The following PPIG variants were observed in gnomAD, a reference collection of about 807,000 sequenced individuals.
PPIG encodes the protein peptidyl-prolyl cis-trans isomerase G.
PPIG carries 26 observed loss-of-function variants against 87.9 expected under a neutral mutation model. The ratio of observed to expected loss-of-function variants is 0.30; its 90% CI spans 0.22 to 0.41. The LOEUF (loss-of-function observed/expected upper bound fraction) is 0.41. PPIG is among the 10% of genes least tolerant of loss of function. The pLI is 1.00. For synonymous variants in PPIG, 308 were observed against 276.5 expected (o/e 1.11, Z -1.13); for missense variants, 722 against 879.4 (o/e 0.82, Z 2.26).
At chr2:169,589,913 C>G (rs1574432692) in intron 1 of PPIG, among the ~76,000 whole-genome samples, 2 of 151,656 alleles carry the variant, frequency 1.3e-5, no homozygotes, top group East Asian at 3.9e-4. Context: ...AGTTTGAGAC[C>G]AGTCTGACCA....
At chr2:169,593,323 T>G (rs1253672621) in intron 1 of PPIG, among the ~76,000 whole-genome samples, 1 of 151,984 alleles carries the variant, frequency 6.6e-6, no homozygotes, top group Non-Finnish European at 1.5e-5. Context: ...GCCTCCCAAG[T>G]AACTGGAATT....
At chr2:169,593,001 T>C (rs953819916) in intron 1 of PPIG, among the ~76,000 whole-genome samples, 20 of 152,148 alleles carry the variant, frequency 1.3e-4, no homozygotes, top group Non-Finnish European at 2.6e-4. Context: ...TTGAGGCATA[T>C]GTGATTTGTC....
At chr2:169,593,427 CT>C (rs1490439691) in intron 1 of PPIG, among the ~76,000 whole-genome samples, 1 of 151,790 alleles carries the variant, frequency 6.6e-6, no homozygotes, top group East Asian at 1.9e-4. Context: ...AACTCCTGAC[CT>C]CAGGTGATCT....
chr2:169,600,804 T>C (rs1685159629), intron 1 of PPIG, among the ~76,000 whole-genome samples: 1 of 152,232 alleles, frequency 6.6e-6, no homozygotes, highest in African/African-American at 2.4e-5. Context: ...ATAACTCATT[T>C]ACTTAGAGAT....
At chr2:169,595,992 T>C (rs200054141) in intron 1 of PPIG, among the ~76,000 whole-genome samples, 1 of 151,722 alleles carries the variant, frequency 6.6e-6, no homozygotes, top group Non-Finnish European at 1.5e-5. Flanking sequence ...TTAGTAGAGA[T>C]GGGGTTTCTC....
rs546561701 is a variant in PPIG at position 169,623,008 on chromosome 2, T to C, written c.548-7766T>C. Among the ~76,000 whole-genome samples, 7 of 152,298 alleles carry C rather than the reference T, an allele frequency of 4.6e-5. No individual in the cohort carries two copies. In the East Asian group the frequency reaches 1.3e-3, roughly 29 times the overall value. ...GACAGTCTTGGTCCATCTATATGTG[T>C]TCTTGGGGAGTCTGGGCAATCAATC... is the stretch of plus-strand genomic sequence containing the variant. On this transcript the variant is annotated intron_variant, in intron 9 of 13. Coordinates refer to ENST00000260970, the MANE Select transcript of PPIG (RefSeq NM_004792.3).
At chr2:169,633,309 AG>A (rs1388845867) in intron 12 of PPIG, 62 bp downstream of exon 12, 2 of 1,281,710 alleles carry the variant, frequency 1.6e-6, no homozygotes, top group Non-Finnish European at 2.3e-6. Context: ...AAATAATTTT[AG>A]GGTGTTTCTT....
Position 169,636,240 on chromosome 2 carries a change from CTAT to C in PPIG, c.1154+20_1154+22del, listed in dbSNP as rs760236096. 1.5e-5 allele frequency: 23 copies of C among 1,578,090 alleles called. No homozygotes were observed. The African/African-American group carries it at 1.8e-4, about 12-fold the overall frequency. ...ATCAAGGGGGATAAGTAAGATTTAA[CTAT>C]TATTATTTCAAATGTAATGATAAGT... On this transcript the variant is annotated intron_variant, in intron 13 of 13. Transcript: ENST00000260970.
intron 9 of PPIG, among the ~76,000 whole-genome samples, chr2:169,618,680 C>T (rs1449493864): frequency 6.6e-6 from 1 of 152,136 alleles, no homozygotes. Flanking sequence ...GTCTGTATTT[C>T]TATGGGATCA....
At chr2:169,610,071 G>A (rs889181045) in intron 7 of PPIG, among the ~76,000 whole-genome samples, 1 of 152,130 alleles carries the variant, frequency 6.6e-6, no homozygotes, top group Non-Finnish European at 1.5e-5. Flanking sequence ...CTATCTTATG[G>A]GTATAGGTTT....
At chr2:169,604,538 A>T (rs546504399) in intron 4 of PPIG, among the ~76,000 whole-genome samples, 1 of 151,936 alleles carries the variant, frequency 6.6e-6, no homozygotes, top group East Asian at 1.9e-4. Context: ...TAACATGAAG[A>T]TTACACAGCA....
chr2:169,611,485 A>G (rs910961770), intron 7 of PPIG, among the ~76,000 whole-genome samples: 4 of 152,170 alleles, frequency 2.6e-5, no homozygotes, highest in Non-Finnish European at 4.4e-5. Flanking sequence ...CTGTTTTTCA[A>G]ACTGCTCCAA....
At chr2:169,585,859 T>G (rs1330459596) in intron 1 of PPIG, among the ~76,000 whole-genome samples, 1 of 152,140 alleles carries the variant, frequency 6.6e-6, no homozygotes, top group Non-Finnish European at 1.5e-5. Flanking sequence ...TGTGTGTGTG[T>G]CGGTCACACA....
At position 169,636,767 on chromosome 2, in the gene PPIG, G is replaced by A. The variant is rs201653516; in HGVS notation, c.1509G>A (p.Gln503=). The A allele has an allele frequency of 1.2e-6, 2 of 1,612,246 alleles. No homozygotes were observed. The highest frequency in any genetic ancestry group is 1.7e-5 in the Admixed American group (1 of 59,666). ...DHENVKEKEK[Q]SDSKGKDQER... Reference sequence around the variant, plus strand: ...AAAATGTTAAAGAAAAAGAAAAGCAGTCTGATTCTAAAGGAAAAGATCAGG... The same window carrying A: ...AAAATGTTAAAGAAAAAGAAAAGCAATCTGATTCTAAAGGAAAAGATCAGG... Residue 503 remains glutamine, a synonymous_variant, in exon 14 of 14, where the codon CAG becomes CAA. Transcript: ENST00000260970.
At chr2:169,632,067 C>T (rs772086009) in intron 11 of PPIG, 134 bp downstream of exon 11, 91 of 1,202,120 alleles carry the variant, frequency 7.6e-5, no homozygotes, top group Admixed American at 6.1e-4. Context: ...AATGTTCTTC[C>T]GCAAAGTTCT....
intron 9 of PPIG, among the ~76,000 whole-genome samples, chr2:169,620,528 A>G (rs1685721092): frequency 6.6e-6 from 1 of 152,046 alleles, no homozygotes; most frequent in Non-Finnish European, 1.5e-5. Flanking sequence ...TGTCTAAATA[A>G]CCTAGTAAAT....
intron 1 of PPIG, chr2:169,584,777 C>A (rs1314974809): frequency 9.9e-6 from 3 of 302,564 alleles, no homozygotes; most frequent in Non-Finnish European, 1.9e-5. Context: ...AGGCGCACAC[C>A]TCCCTCACTG....
intron 9 of PPIG, among the ~76,000 whole-genome samples, chr2:169,627,088 T>C (rs1189587772): frequency 6.6e-6 from 1 of 152,012 alleles, no homozygotes; most frequent in Admixed American, 6.5e-5. Flanking sequence ...TAAATCTCTT[T>C]CTGGCCTTCC....
chr2:169,591,845 A>T (rs979751550), intron 1 of PPIG, among the ~76,000 whole-genome samples: 8 of 151,508 alleles, frequency 5.3e-5, no homozygotes. Flanking sequence ...ACAAATTTGC[A>T]GCAAACAAAT....
Sources: gnomAD v4.1 joint callset for allele counts (sites outside exome capture counted in the v4.1 genomes callset) on GRCh38, gnomAD v4.1.1 for gene constraint, MANE v1.5 for transcripts, NCBI Gene and HGNC (gene_info 2026-07-23, HGNC 2026-07-21) for gene names.